Variants in ZEB1 observed in about 807,000 individuals in gnomAD.
ZEB1 encodes zinc finger E-box-binding homeobox 1.
In ZEB1, 21 loss-of-function variants were observed where a neutral mutation model predicts 84.9. That is an observed-to-expected ratio of 0.25 (90% confidence interval 0.18 to 0.36). The LOEUF (loss-of-function observed/expected upper bound fraction) is 0.36, where lower values mean the gene tolerates loss of function less well. Among genes scored for constraint, ZEB1 ranks in the 10% least tolerant of loss-of-function variants. The pLI, the probability that ZEB1 is intolerant of heterozygous loss-of-function variation, is 1.00. For synonymous variants in ZEB1, 420 were observed against 471.1 expected (o/e 0.89, Z 1.41); for missense variants, 1,104 against 1,330.2 (o/e 0.83, Z 2.65).
chr10:31,452,728 TGTGTGTGTGTGTGTGAGA>T (rs1465714022), intron 1 of ZEB1, among the ~76,000 whole-genome samples: 4 of 123,760 alleles, frequency 3.2e-5, no homozygotes, highest in African/African-American at 1.6e-4. Context: ...TGTGTGTGTG[TGTGTGTGTGTGTGTGAGA>T]GAGAGAGAGA....
intron 2 of ZEB1, among the ~76,000 whole-genome samples, chr10:31,472,831 C>T (rs2063470077): frequency 7.3e-6 from 1 of 136,282 alleles, no homozygotes; most frequent in Admixed American, 6.9e-5. Flanking sequence ...CAAACCGAAT[C>T]CAGCAGCACA....
chr10:31,514,784 C>A, intron 6 of ZEB1, 76 bp downstream of exon 6: 1 of 1,190,386 alleles, frequency 8.4e-7, no homozygotes, highest in Non-Finnish European at 1.2e-6. Context: ...AACATGTAAT[C>A]TACGTACATG....
chr10:31,331,296 C>G (rs866744441), intron 1 of ZEB1, among the ~76,000 whole-genome samples: 3 of 152,032 alleles, frequency 2.0e-5, no homozygotes, highest in Middle Eastern at 6.8e-3. Flanking sequence ...CCGTGTTAGC[C>G]AGGATGGTCT....
intron 2 of ZEB1, among the ~76,000 whole-genome samples, chr10:31,470,235 G>C (rs546126342): frequency 6.6e-6 from 1 of 152,192 alleles, no homozygotes; most frequent in East Asian, 1.9e-4. Flanking sequence ...CGAGCTGAGA[G>C]AAGAAGGCTT....
intron 3 of ZEB1, among the ~76,000 whole-genome samples, chr10:31,498,152 A>G (rs1014025279): frequency 3.3e-5 from 5 of 152,182 alleles, no homozygotes; most frequent in African/African-American, 9.6e-5. Context: ...TTTATCATCT[A>G]AAGACCAGGA....
intron 2 of ZEB1, among the ~76,000 whole-genome samples, chr10:31,490,022 C>G (rs1486209058): frequency 6.6e-6 from 1 of 151,432 alleles, no homozygotes; most frequent in Non-Finnish European, 1.5e-5. Context: ...GTTCCACTTT[C>G]TTATGGAATC....
At chr10:31,392,254 A>G (rs890076451) in intron 1 of ZEB1, among the ~76,000 whole-genome samples, 1 of 152,226 alleles carries the variant, frequency 6.6e-6, no homozygotes, top group South Asian at 2.1e-4. Context: ...ATTATCCATT[A>G]TAATTTAAAT....
At position 31,527,409 on chromosome 10, in the gene ZEB1, CAAA is replaced by C. The variant is rs2073696352; in HGVS notation, c.*147_*149del. On this transcript the variant is annotated 3_prime_UTR_variant, in exon 9 of 9. Coordinates refer to ENST00000424869, the MANE Select transcript of ZEB1 (RefSeq NM_001174096.2). ...GTAAAAACTAAAAAAATACAAAATA[CAAA>C]ACACACACACACACACACACACACA... 3 of 662,522 alleles carry C rather than the reference CAAA, an allele frequency of 4.5e-6. No homozygotes were observed. The highest frequency in any genetic ancestry group is 1.8e-5 in the South Asian group (1 of 54,630). The allele number at this position is 662,522 out of a possible 1,614,324, so 41.0% of individuals were successfully genotyped here. A position where few individuals can be genotyped will look rare whatever the true frequency, so the allele number is the denominator to read the frequency against.
rs1176910480 is a variant in ZEB1, at chr10:31,423,856, T to C, written c.59-37181T>C. Among the ~76,000 whole-genome samples the C allele has an allele frequency of 3.3e-5, 5 of 152,184 alleles. 1 individual carries two copies. Among genetic ancestry groups the C allele is most frequent in the Admixed American group, 2.0e-4 (3 of 15,276 alleles). ...TCTTAAAAGAGAAATTTTAGGAGTA[T>C]GCTACTCTAATTTCAGCAGATAATC... On this transcript the variant is annotated intron_variant, in intron 1 of 8. Transcript: ENST00000424869.
At position 31,438,702 on chromosome 10, in the gene ZEB1, G is replaced by T. The variant is rs111563290; in HGVS notation, c.59-22335G>T. On this transcript the variant is annotated intron_variant, in intron 1 of 8. Coordinates refer to ENST00000424869, the MANE Select transcript of ZEB1 (RefSeq NM_001174096.2). ...AAAAAATTTTCTTTAAATTACCTGG[G>T]TGTGGTGGCACAGGCCTTTAGTCCC... Among the ~76,000 whole-genome samples, 142 of 152,318 alleles carry T rather than the reference G, an allele frequency of 9.3e-4. 3 individuals are homozygous for T. Among genetic ancestry groups the T allele is most frequent in the African/African-American group, 3.2e-3 (135 of 41,562 alleles).
chr10:31,387,884 T>C (rs1039603389), intron 1 of ZEB1: 43 of 410,558 alleles, frequency 1.0e-4, no homozygotes, highest in African/African-American at 6.3e-4. Flanking sequence ...ATTGGCAATT[T>C]CTTTTTCGTC....
intron 2 of ZEB1, among the ~76,000 whole-genome samples, chr10:31,488,332 T>C (rs1378028385): frequency 6.6e-6 from 1 of 151,216 alleles, no homozygotes; most frequent in Non-Finnish European, 1.5e-5. Flanking sequence ...TTCACTTCTT[T>C]AGGTTTATGT....
At chr10:31,331,540 A>G (rs906888754) in intron 1 of ZEB1, among the ~76,000 whole-genome samples, 2 of 152,228 alleles carry the variant, frequency 1.3e-5, no homozygotes, top group African/African-American at 4.8e-5. Flanking sequence ...TGAGAGATGT[A>G]GTACCTTGCC....
At chr10:31,519,256 A>G (rs2071795415) in intron 6 of ZEB1, among the ~76,000 whole-genome samples, 1 of 152,180 alleles carries the variant, frequency 6.6e-6, no homozygotes, top group South Asian at 2.1e-4. Flanking sequence ...AGGAAACATT[A>G]GGTTTGTAGG....
At chr10:31,347,616 T>C (rs1175456271) in intron 1 of ZEB1, among the ~76,000 whole-genome samples, 1 of 152,218 alleles carries the variant, frequency 6.6e-6, no homozygotes, top group African/African-American at 2.4e-5. Flanking sequence ...AAGTGCCTCT[T>C]TTAACACTTT....
chr10:31,396,608 G>T (rs2050773497), intron 1 of ZEB1, among the ~76,000 whole-genome samples: 1 of 152,150 alleles, frequency 6.6e-6, no homozygotes, highest in Non-Finnish European at 1.5e-5. Flanking sequence ...TCACAAGCTG[G>T]TGTGAGGAGA....
At chr10:31,352,145 A>G (rs1250064971) in intron 1 of ZEB1, among the ~76,000 whole-genome samples, 5 of 152,128 alleles carry the variant, frequency 3.3e-5, no homozygotes, top group African/African-American at 1.2e-4. Flanking sequence ...TTCTTTTTCA[A>G]ACTTTTAAGC....
intron 3 of ZEB1, 80 bp from the exon 4 acceptor site, chr10:31,502,268 A>ATAAATAATT: frequency 7.2e-7 from 1 of 1,379,386 alleles, no homozygotes; most frequent in Non-Finnish European, 1.0e-6. Context: ...TTCTCTCAAG[A>ATAAATAATT]TAAATAATTT....
At chr10:31,485,725 A>C (rs1172341442) in intron 2 of ZEB1, among the ~76,000 whole-genome samples, 1 of 151,324 alleles carries the variant, frequency 6.6e-6, no homozygotes, top group African/African-American at 2.4e-5. Flanking sequence ...ATATTTTTTT[A>C]ATTAACATAC....
Sources: allele counts gnomAD v4.1 joint callset (sites outside exome capture counted in the v4.1 genomes callset), GRCh38; gene constraint gnomAD v4.1.1; transcripts MANE v1.5; gene names NCBI Gene and HGNC (gene_info 2026-07-23, HGNC 2026-07-21).